The following RUNDC3B variants were observed in gnomAD, a reference collection of about 807,000 sequenced individuals.
RUNDC3B encodes the protein RUN domain containing 3B, also known as RUN domain-containing protein 3B.
RUNDC3B carries 33 observed loss-of-function variants against 58.4 expected under a neutral mutation model. That is an observed-to-expected ratio of 0.56 (90% CI 0.43 to 0.75). The LOEUF is 0.75. Among genes scored for constraint, RUNDC3B ranks in the 30% least tolerant of loss-of-function variants. The pLI is 0.00. For synonymous variants in RUNDC3B, 193 were observed against 195.2 expected (o/e 0.99, Z 0.10); for missense variants, 501 against 535.7 (o/e 0.94, Z 0.64).
intron 8 of RUNDC3B, among the ~76,000 whole-genome samples, chr7:87,798,233 A>G (rs1418524016): frequency 6.6e-6 from 1 of 152,198 alleles, no homozygotes; most frequent in Admixed American, 6.5e-5. Flanking sequence ...TAGGAATTTA[A>G]CAAACCTTTT....
At chr7:87,679,550 CA>C (rs1234201901) in intron 2 of RUNDC3B, among the ~76,000 whole-genome samples, 1 of 149,970 alleles carries the variant, frequency 6.7e-6, no homozygotes, top group East Asian at 2.0e-4. Context: ...CCACTACACC[CA>C]GCTAATTTTT....
intron 8 of RUNDC3B, among the ~76,000 whole-genome samples, chr7:87,780,517 A>C (rs1834867162): frequency 6.6e-6 from 1 of 152,062 alleles, no homozygotes; most frequent in South Asian, 2.1e-4. Flanking sequence ...TGTTGGATGC[A>C]TAGTTTGTGA....
chr7:87,705,810 C>G (rs993678561), intron 3 of RUNDC3B, among the ~76,000 whole-genome samples: 4 of 152,162 alleles, frequency 2.6e-5, no homozygotes, highest in African/African-American at 9.7e-5. Context: ...CTGAAAAAAA[C>G]CACTCCCAAT....
At chr7:87,636,140 C>G (rs896175461) in intron 1 of RUNDC3B, among the ~76,000 whole-genome samples, 2 of 152,152 alleles carry the variant, frequency 1.3e-5, no homozygotes, top group Non-Finnish European at 2.9e-5. Context: ...AGATATTCGG[C>G]TTCAGTAGAT....
rs71695208 is a variant in RUNDC3B, at chr7:87,760,069, G to GT, written c.630-10500dup. On this transcript the variant is annotated intron_variant, in intron 6 of 10. Coordinates refer to ENST00000394654, the MANE Select transcript of RUNDC3B (RefSeq NM_001134405.2). ...TTGGGTTTTGTTCTGTGATACAGGG[G>GT]TTTTTTTTTTTTCTTAATGGGTGTT... is the stretch of plus-strand genomic sequence containing the variant. Among the ~76,000 whole-genome samples the GT allele has an allele frequency of 1.4e-3, 210 of 145,130 alleles. 1 individual carries two copies. The highest frequency in any genetic ancestry group is 9.9e-3 in the South Asian group (46 of 4,632).
intron 2 of RUNDC3B, among the ~76,000 whole-genome samples, chr7:87,665,244 G>A (rs1439906544): frequency 2.6e-5 from 4 of 151,974 alleles, no homozygotes; most frequent in East Asian, 3.9e-4. Context: ...CAGTGAAGTC[G>A]TATGATACAA....
intron 8 of RUNDC3B, among the ~76,000 whole-genome samples, chr7:87,804,365 A>G (rs1836326209): frequency 6.6e-6 from 1 of 152,190 alleles, no homozygotes; most frequent in Non-Finnish European, 1.5e-5. Context: ...AACCTGCCTC[A>G]TAGTTAGGCT....
intron 10 of RUNDC3B, among the ~76,000 whole-genome samples, chr7:87,817,563 CT>C (rs768679770): frequency 3.2e-4 from 48 of 152,304 alleles, no homozygotes; most frequent in Non-Finnish European, 6.3e-4. Context: ...CCTTGACTGT[CT>C]TTGCACTTGC....
intron 2 of RUNDC3B, among the ~76,000 whole-genome samples, chr7:87,686,032 C>T (rs1241808422): frequency 1.3e-5 from 2 of 152,160 alleles, no homozygotes; most frequent in African/African-American, 4.8e-5. Context: ...ATTACTTCTA[C>T]TTTTTCTCTG....
intron 10 of RUNDC3B, among the ~76,000 whole-genome samples, chr7:87,818,656 T>C (rs1584278592): frequency 1.3e-5 from 2 of 151,742 alleles, no homozygotes; most frequent in African/African-American, 4.8e-5. Flanking sequence ...AGTAGAAAAA[T>C]AAATACCAAA....
chr7:87,797,450 C>T (rs1305365967), intron 8 of RUNDC3B, among the ~76,000 whole-genome samples: 1 of 152,102 alleles, frequency 6.6e-6, no homozygotes, highest in Non-Finnish European at 1.5e-5. Flanking sequence ...CACTGGTTGT[C>T]CCACTTTTAG....
chr7:87,759,791 A>C (rs1285338313), intron 6 of RUNDC3B, among the ~76,000 whole-genome samples: 1 of 150,818 alleles, frequency 6.6e-6, no homozygotes, highest in Non-Finnish European at 1.5e-5. Context: ...GAGATCCTGT[A>C]TCAAAAAAAA....
intron 6 of RUNDC3B, among the ~76,000 whole-genome samples, chr7:87,756,890 C>A (rs1833404672): frequency 1.3e-5 from 2 of 152,014 alleles, no homozygotes; most frequent in Admixed American, 1.3e-4. Flanking sequence ...ATACCCTCTC[C>A]CTCCTCATGG....
chr7:87,686,392 T>C (rs1405365726), intron 2 of RUNDC3B, among the ~76,000 whole-genome samples: 1 of 152,178 alleles, frequency 6.6e-6, no homozygotes, highest in Non-Finnish European at 1.5e-5. Flanking sequence ...TATATCTGTT[T>C]TTCTTGGATG....
At chr7:87,712,550 A>G (rs1398853334) in intron 4 of RUNDC3B, among the ~76,000 whole-genome samples, 4 of 152,092 alleles carry the variant, frequency 2.6e-5, no homozygotes, top group East Asian at 1.9e-4. Context: ...TAAATAATTA[A>G]TAATCTCTCT....
chr7:87,821,726 A>C (rs1443673079), intron 10 of RUNDC3B, among the ~76,000 whole-genome samples: 2 of 152,230 alleles, frequency 1.3e-5, no homozygotes, highest in Non-Finnish European at 2.9e-5. Context: ...GAACCCTCAG[A>C]AATAATGCCG....
chr7:87,690,013 A>G (rs1827866524), intron 2 of RUNDC3B, among the ~76,000 whole-genome samples: 1 of 152,056 alleles, frequency 6.6e-6, no homozygotes. Context: ...AATTTTTTAT[A>G]GAGACAGAGT....
intron 2 of RUNDC3B, among the ~76,000 whole-genome samples, chr7:87,679,585 T>C (rs768048111): frequency 3.3e-5 from 5 of 150,170 alleles, no homozygotes; most frequent in Non-Finnish European, 7.4e-5. Context: ...AGGCTAGGTC[T>C]CACTATGTTG....
chr7:87,768,295 C>CTCA (rs1834084694), intron 6 of RUNDC3B, among the ~76,000 whole-genome samples: 1 of 152,258 alleles, frequency 6.6e-6, no homozygotes, highest in East Asian at 1.9e-4. Context: ...GTGGGCTGCA[C>CTCA]CTCTCCCTCC....
Sources: gnomAD v4.1 joint callset for allele counts (sites outside exome capture counted in the v4.1 genomes callset) on GRCh38, gnomAD v4.1.1 for gene constraint, MANE v1.5 for transcripts, NCBI Gene and HGNC (gene_info 2026-07-23, HGNC 2026-07-21) for gene names.